ADAMTSL2: variants seen among roughly 807,000 people sequenced by gnomAD.
ADAMTSL2 encodes the protein ADAMTS-like protein 2.
Under a neutral mutation model 117.0 loss-of-function variants are expected in ADAMTSL2, and 55 were observed. That is an observed-to-expected ratio of 0.47 (90% CI 0.38 to 0.59). ADAMTSL2 has a LOEUF of 0.59. Among genes scored for constraint, ADAMTSL2 ranks in the 20% least tolerant of loss-of-function variants. The pLI, the probability that ADAMTSL2 is intolerant of heterozygous loss-of-function variation, is 0.00. For synonymous variants in ADAMTSL2, 572 were observed against 566.4 expected, an observed-to-expected ratio of 1.01 and a Z score of -0.14; for missense variants, 1,182 against 1,354.5, an observed-to-expected ratio of 0.87 and a Z score of 2.00.
In ADAMTSL2 at chr9:133,574,817, T is replaced by C. The variant is rs1408416097; in HGVS notation, c.2809T>C (p.Tyr937His). The part of the protein sequence containing the change: ...AIKVNLCGHW[Y>H]YSKACCRSCR... ...CAAAGTGAACCTCTGCGGGCACTGG[T>C]ACTACAGCAAGGCGTGCTGCCGCTC... The change falls in exon 19 of 19, where the codon TAC becomes CAC. Residue 937 changes from tyrosine (Y) to histidine (H), a missense_variant. By Grantham distance (83) the Tyr-to-His change is moderately conservative. Around this residue, in one of 3 missense-constraint regions of ADAMTSL2, gnomAD observed 465 missense variants for 565.3 expected, o/e 0.82. Transcript: ENST00000651351. The C allele has an allele frequency of 2.5e-6, 4 of 1,613,504 alleles. No homozygotes were observed.
intron 17 of ADAMTSL2, among the ~76,000 whole-genome samples, chr9:133,572,688 TC>T (rs1215851661): frequency 1.8e-4 from 27 of 151,986 alleles, no homozygotes; most frequent in Admixed American, 5.2e-4. Flanking sequence ...GGGAGGAGCA[TC>T]CCCCTAGCCC....
rs760098538 is a variant in ADAMTSL2, at chr9:133,554,513, C to T, written c.1096C>T (p.His366Tyr). 1 of 1,550,048 alleles carries T rather than the reference C, an allele frequency of 6.5e-7. No homozygotes were observed. The highest frequency in any genetic ancestry group is 1.2e-5 in the South Asian group (1 of 84,132). Residue 366 changes from histidine (H) to tyrosine (Y), a missense_variant, in exon 10 of 19, where the codon CAC becomes TAC. Coordinates refer to ENST00000651351, the MANE Select transcript of ADAMTSL2 (RefSeq NM_014694.4). The surrounding 1 kb of genome is among the most constrained non-coding windows in gnomAD (Gnocchi z 5.2). The stretch of plus-strand genomic sequence containing the variant: ...GGCCGGGCTGATGGGCTTCGTCCCG[C>T]ACAACGGCTCCCTCTACGGCCAGGC... Reference protein sequence around the residue: ...DGAGLMGFVPHNGSLYGQASS... With the variant: ...DGAGLMGFVPYNGSLYGQASS...
rs1279930464 is a variant in ADAMTSL2, at chr9:133,544,483, G to A, written c.696G>A (p.Val232=). 10 of 1,614,104 alleles carry A rather than the reference G, an allele frequency of 6.2e-6. No individual in the cohort carries two copies. In the South Asian group the frequency reaches 1.1e-4, roughly 18 times the overall value. ...KGNAHLGYSL[V]THIPAGARDI... ...TTTTGCCTCCAGGTTACTCTCTGGT[G>A]ACCCACATCCCGGCTGGTGCCCGAG... Residue 232 remains valine, a synonymous_variant, in exon 8 of 19, where the codon GTG becomes GTA. Coordinates refer to ENST00000651351, the MANE Select transcript of ADAMTSL2 (RefSeq NM_014694.4).
intron 12 of ADAMTSL2, among the ~76,000 whole-genome samples, chr9:133,562,489 C>G (rs866324802): frequency 0.5 from 47,032 of 94,068 alleles, 11,777 homozygotes; most frequent in African/African-American, 0.61. Context: ...GCACCCGGCT[C>G]GGCCAGGCTC....
At chr9:133,560,861 G>A (rs1171627242) in intron 11 of ADAMTSL2, among the ~76,000 whole-genome samples, 1 of 152,234 alleles carries the variant, frequency 6.6e-6, no homozygotes, top group Non-Finnish European at 1.5e-5. Flanking sequence ...ATATTGAGAA[G>A]CCTGCGTGTG....
intron 9 of ADAMTSL2, among the ~76,000 whole-genome samples, chr9:133,550,050 C>A (rs9776702): frequency 0.2 from 30,376 of 152,278 alleles, 3,157 homozygotes; most frequent in African/African-American, 0.22. Flanking sequence ...GGGACCCAAG[C>A]TCCCCCATCC....
At chr9:133,573,276 G>T (rs1831153333) in intron 17 of ADAMTSL2, among the ~76,000 whole-genome samples, 2 of 152,218 alleles carry the variant, frequency 1.3e-5, no homozygotes, top group African/African-American at 4.8e-5. Context: ...GATGTCTCTG[G>T]TGTTCTGGGG....
intron 9 of ADAMTSL2, among the ~76,000 whole-genome samples, chr9:133,552,571 C>G (rs1830512615): frequency 6.6e-6 from 1 of 152,182 alleles, no homozygotes; most frequent in Non-Finnish European, 1.5e-5. Flanking sequence ...AGTTTCTGGT[C>G]CACCTTCTTG....
Position 133,539,867 on chromosome 9 carries a change from T to C in ADAMTSL2, c.406T>C (p.Tyr136His). The C allele has an allele frequency of 6.4e-7, 1 of 1,550,972 alleles. No homozygotes were observed. The highest frequency in any genetic ancestry group is 8.7e-7 in the Non-Finnish European group (1 of 1,146,972). ...GCGGACGCACCAGTGGAAGCCTCTGTACCCGGGTACCTGCCGCCCTGGGGA... is the reference window on the plus strand; with the variant it reads ...GCGGACGCACCAGTGGAAGCCTCTGCACCCGGGTACCTGCCGCCCTGGGGA... ...NGRTHQWKPL[Y>H]PDDYVHISSK... The change falls in exon 5 of 19, where the codon TAC becomes CAC. Residue 136 changes from tyrosine to histidine, a missense_variant. Tyr to His is a moderately conservative substitution (Grantham distance 83, BLOSUM62 2). Around this residue, in one of 3 missense-constraint regions of ADAMTSL2, gnomAD observed 372 missense variants for 463.4 expected, o/e 0.80. Transcript: ENST00000651351.
chr9:133,574,032 G>T, intron 18 of ADAMTSL2, 45 bp downstream of exon 18: 1 of 1,583,860 alleles, frequency 6.3e-7, no homozygotes, highest in Non-Finnish European at 8.6e-7. Context: ...ATTCCCAGGG[G>T]AGGCGAGGAC....
At chr9:133,551,260 T>G (rs988542409) in intron 9 of ADAMTSL2, among the ~76,000 whole-genome samples, 1 of 151,910 alleles carries the variant, frequency 6.6e-6, no homozygotes, top group Admixed American at 6.6e-5. Context: ...TGAATCAAGT[T>G]TGGCCATTTT....
chr9:133,545,810 C>T (rs17150674), intron 8 of ADAMTSL2, among the ~76,000 whole-genome samples: 10,641 of 152,140 alleles, frequency 0.07, 473 homozygotes, highest in African/African-American at 0.11. Flanking sequence ...ACGAGAGCCT[C>T]GGATTTAACC....
At chr9:133,546,081 T>G (rs1830340381) in intron 8 of ADAMTSL2, among the ~76,000 whole-genome samples, 1 of 152,052 alleles carries the variant, frequency 6.6e-6, no homozygotes, top group Admixed American at 6.6e-5. Flanking sequence ...AGGACACCCT[T>G]TGGAAGACAG....
intron 10 of ADAMTSL2, among the ~76,000 whole-genome samples, chr9:133,555,005 T>G (rs1225948921): frequency 2.0e-5 from 3 of 151,962 alleles, no homozygotes; most frequent in Admixed American, 2.0e-4. Flanking sequence ...TGCAGGATGG[T>G]CTGATCTCTC....
intron 1 of ADAMTSL2, among the ~76,000 whole-genome samples, chr9:133,535,303 C>T (rs1022850706): frequency 2.0e-5 from 3 of 147,676 alleles, no homozygotes; most frequent in African/African-American, 7.5e-5. Flanking sequence ...ACCCGTTAGC[C>T]AATGGCACAG....
At chr9:133,567,433 C>T (rs1050784804) in intron 13 of ADAMTSL2, among the ~76,000 whole-genome samples, 4 of 152,212 alleles carry the variant, frequency 2.6e-5, no homozygotes, top group Non-Finnish European at 5.9e-5. Context: ...ATTGGCTGTC[C>T]CTTGGATGTG....
At chr9:133,541,090 A>G in intron 7 of ADAMTSL2, 89 bp downstream of exon 7, 14 of 1,535,658 alleles carry the variant, frequency 9.1e-6, no homozygotes, top group Non-Finnish European at 1.1e-5. Context: ...CCTCCTGTGT[A>G]CCACTGGGCA....
Position 133,574,943 on chromosome 9 carries a change from A to G in ADAMTSL2, c.*79A>G, listed in dbSNP as rs1381296228. The G allele has an allele frequency of 1.4e-5, 16 of 1,133,026 alleles. No individual in the cohort carries two copies. The highest frequency in any genetic ancestry group is 2.0e-5 in the Non-Finnish European group (15 of 750,450). 70.2% of individuals were successfully genotyped at this position (1,133,026 alleles called of 1,614,324 possible). A position where few individuals can be genotyped will look rare whatever the true frequency, so the allele number is the denominator to read the frequency against. ...GCTGCAGCTTCTGGGGCCTCCACAG[A>G]CCCCCCTCCTGCGGGGCACGCTGGC... On this transcript the variant is annotated 3_prime_UTR_variant, in exon 19 of 19. Transcript: ENST00000651351.
In ADAMTSL2 at chr9:133,555,907, C is replaced by T. The variant is rs985213789; in HGVS notation, c.1626C>T (p.Ala542=). ...TTAGCACCAGCCTGCTCACCTCGGC[C>T]GGGAACAGGACTCACAAGGCCAGGT... is the stretch of plus-strand genomic sequence containing the variant. ...PNVSTSLLTS[A]GNRTHKARTR... Residue 542 remains alanine (A), a synonymous_variant, in exon 11 of 19, where the codon GCC becomes GCT. Transcript: ENST00000651351. 8.1e-5 allele frequency: 130 copies of T among 1,612,372 alleles called. No individual in the cohort carries two copies. Among genetic ancestry groups the T allele is most frequent in the Admixed American group, 1.5e-4 (9 of 60,004 alleles).
Sources: gnomAD v4.1 joint callset for allele counts (sites outside exome capture counted in the v4.1 genomes callset) on GRCh38, gnomAD v4.1.1 for gene constraint, gnomAD v4.1.1 regional missense constraint, Gnocchi (gnomAD v3.1) non-coding constraint, MANE v1.5 for transcripts, NCBI Gene and HGNC (gene_info 2026-07-23, HGNC 2026-07-21) for gene names.